Variants in LARGE1 observed in about 807,000 individuals in gnomAD.
LARGE1 encodes xylosyl- and glucuronyltransferase LARGE1.
Under a neutral mutation model 87.6 loss-of-function variants are expected in LARGE1, and 43 were observed. The ratio of observed to expected loss-of-function variants is 0.49; its 90% CI spans 0.38 to 0.63. The LOEUF is 0.63. LARGE1 is among the 30% of genes least tolerant of loss of function. LARGE1 has a pLI of 0.00. For missense variants in LARGE1, 802 were observed against 1,000.2 expected (o/e 0.80, Z 2.67); for synonymous variants, 434 against 394.6 (o/e 1.10, Z -1.18).
At chr22:33,447,171 A>C (rs2067716499) in intron 6 of LARGE1, among the ~76,000 whole-genome samples, 1 of 152,192 alleles carries the variant, frequency 6.6e-6, no homozygotes. Flanking sequence ...TGGGATTATA[A>C]GGCATGAGCC....
At chr22:33,327,496 A>G (rs558585142) in intron 10 of LARGE1, among the ~76,000 whole-genome samples, 20 of 152,322 alleles carry the variant, frequency 1.3e-4, no homozygotes, top group African/African-American at 4.8e-4. Context: ...GGGTGCATTT[A>G]CTGACCATTT....
the LARGE1 span, among the ~76,000 whole-genome samples, chr22:33,081,569 G>C: frequency 2.0e-5 from 3 of 152,172 alleles, no homozygotes; most frequent in Non-Finnish European, 2.9e-5. Context: ...ATAAAAGAAA[G>C]ATAAAATATA....
chr22:33,165,251 GA>G, exon 12 of LARGE1: 1 of 152,266 alleles, frequency 6.6e-6, no homozygotes, highest in African/African-American at 2.4e-5. Flanking sequence ...TATGATTAAG[GA>G]AAAACCTTGA....
At chr22:33,688,995 T>C (rs766521585) in intron 2 of LARGE1, among the ~76,000 whole-genome samples, 3 of 152,148 alleles carry the variant, frequency 2.0e-5, no homozygotes, top group Non-Finnish European at 4.4e-5. Flanking sequence ...AGCACACATC[T>C]AAATGTAAAA....
chr22:33,594,988 G>A (rs1226527014), intron 5 of LARGE1, among the ~76,000 whole-genome samples: 2 of 152,140 alleles, frequency 1.3e-5, no homozygotes, highest in African/African-American at 4.8e-5. Context: ...TCACAAGAAC[G>A]AGATTCTGGC....
chr22:33,655,482 C>G (rs1034725076), intron 2 of LARGE1, among the ~76,000 whole-genome samples: 1 of 152,188 alleles, frequency 6.6e-6, no homozygotes, highest in Non-Finnish European at 1.5e-5. Flanking sequence ...CAGACTAGAA[C>G]TACACATCGG....
intron 1 of LARGE1, among the ~76,000 whole-genome samples, chr22:33,809,202 G>C (rs1177383380): frequency 2.0e-5 from 3 of 151,622 alleles, no homozygotes; most frequent in Non-Finnish European, 4.4e-5. Flanking sequence ...AACCCAGGAG[G>C]CAGAGGCTGC....
intron 2 of LARGE1, among the ~76,000 whole-genome samples, chr22:33,705,262 A>T (rs774454676): frequency 1.1e-4 from 16 of 152,218 alleles, no homozygotes; most frequent in Admixed American, 2.6e-4. Context: ...TCATGAACAG[A>T]TTCTTGCAGA....
intron 1 of LARGE1, among the ~76,000 whole-genome samples, chr22:33,908,761 C>A (rs568416515): frequency 6.4e-4 from 98 of 152,238 alleles, no homozygotes; most frequent in African/African-American, 2.4e-3. Flanking sequence ...TTGAGAAATT[C>A]TGTTATCCAG....
chr22:33,393,425 C>T (rs1040980807), intron 7 of LARGE1, among the ~76,000 whole-genome samples: 30 of 152,192 alleles, frequency 2.0e-4, no homozygotes, highest in African/African-American at 6.8e-4. Flanking sequence ...TGCCTAATTC[C>T]CACTGGATTT....
At chr22:33,731,773 T>C (rs1170361287) in intron 2 of LARGE1, among the ~76,000 whole-genome samples, 2 of 152,216 alleles carry the variant, frequency 1.3e-5, no homozygotes, top group African/African-American at 4.8e-5. Flanking sequence ...GATTATAGAC[T>C]GTGGTAATGG....
At chr22:33,283,401 G>A in intron 12 of LARGE1, 53 bp from the exon 13 acceptor site, 1 of 1,606,372 alleles carries the variant, frequency 6.2e-7, no homozygotes, top group East Asian at 2.2e-5. Context: ...CCAGGCCAAG[G>A]TCTTTCCCCC....
chr22:33,673,064 G>A (rs539829217), intron 2 of LARGE1, among the ~76,000 whole-genome samples: 7 of 152,266 alleles, frequency 4.6e-5, no homozygotes, highest in Non-Finnish European at 7.4e-5. Context: ...CACGAGGTCA[G>A]GAGTTTGAGC....
intron 6 of LARGE1, among the ~76,000 whole-genome samples, chr22:33,525,561 T>C (rs147354089): frequency 1.6e-4 from 24 of 152,326 alleles, no homozygotes; most frequent in Non-Finnish European, 1.6e-4. Flanking sequence ...AAAATGTATC[T>C]ATTAAATACC....
At chr22:33,129,257 T>TTACAAAGGGGTAGCATG in the LARGE1 span, among the ~76,000 whole-genome samples, 1 of 152,092 alleles carries the variant, frequency 6.6e-6, no homozygotes, top group African/African-American at 2.4e-5. Flanking sequence ...AGAGGTGACA[T>TTACAAAGGGGTAGCATG]TACAAAGGGG....
intron 6 of LARGE1, among the ~76,000 whole-genome samples, chr22:33,439,794 C>T (rs2067403896): frequency 6.6e-6 from 1 of 152,146 alleles, no homozygotes; most frequent in South Asian, 2.1e-4. Flanking sequence ...CCACAATCTT[C>T]TCCTCCTACA....
intron 1 of LARGE1, among the ~76,000 whole-genome samples, chr22:33,818,007 C>T (rs899826204): frequency 1.3e-5 from 2 of 152,100 alleles, no homozygotes; most frequent in African/African-American, 4.8e-5. Context: ...AGGGCCTTTA[C>T]AGGCAGATGA....
At chr22:33,745,352 C>T (rs562829996) in intron 2 of LARGE1, among the ~76,000 whole-genome samples, 75 of 151,984 alleles carry the variant, frequency 4.9e-4, no homozygotes, top group African/African-American at 1.8e-3. Context: ...TTTGCTTATC[C>T]GCCCCTTCAT....
intron 1 of LARGE1, among the ~76,000 whole-genome samples, chr22:33,798,209 G>C (rs1393411744): frequency 6.6e-6 from 1 of 152,152 alleles, no homozygotes; most frequent in African/African-American, 2.4e-5. Flanking sequence ...AGAATTGCTT[G>C]AACCTGGGAG....
Sources: allele counts gnomAD v4.1 joint callset (sites outside exome capture counted in the v4.1 genomes callset), GRCh38; gene constraint gnomAD v4.1.1; transcripts MANE v1.5; gene names NCBI Gene and HGNC (gene_info 2026-07-23, HGNC 2026-07-21).